ADAM12: variants seen among roughly 807,000 people sequenced by gnomAD.
ADAM12 encodes ADAM metallopeptidase domain 12, also known as disintegrin and metalloproteinase domain-containing protein 12.
ADAM12 carries 70 observed loss-of-function variants against 106.4 expected under a neutral mutation model. That is an observed-to-expected ratio of 0.66 (90% CI 0.54 to 0.80). The LOEUF is 0.80. Ranked by LOEUF, ADAM12 falls within the 30% of genes least tolerant of loss-of-function variation. The pLI is 0.00. For synonymous variants in ADAM12, 420 were observed against 433.5 expected, an observed-to-expected ratio of 0.97 and a Z score of 0.39; for missense variants, 1,010 against 1,171.9, an observed-to-expected ratio of 0.86 and a Z score of 2.02.
intron 3 of ADAM12, among the ~76,000 whole-genome samples, chr10:126,251,770 T>C (rs1207986105): frequency 6.8e-6 from 1 of 146,524 alleles, no homozygotes; most frequent in Non-Finnish European, 1.5e-5. Flanking sequence ...GATGGGATGA[T>C]GGGATGAATG....
intron 3 of ADAM12, among the ~76,000 whole-genome samples, chr10:126,250,560 G>A (rs1363715914): frequency 6.6e-6 from 1 of 152,164 alleles, no homozygotes; most frequent in Non-Finnish European, 1.5e-5. Flanking sequence ...ACATTTTTCT[G>A]ATTATTTTTT....
chr10:126,295,096 A>T (rs1257195037), intron 2 of ADAM12, among the ~76,000 whole-genome samples: 3 of 152,174 alleles, frequency 2.0e-5, no homozygotes, highest in African/African-American at 7.2e-5. Context: ...GGAAGTGGTC[A>T]GTTAAACCCA....
Position 126,286,093 on chromosome 10 carries a change from C to T in ADAM12, c.187-7105G>A, listed in dbSNP as rs1590733476. On this transcript the variant is annotated intron_variant, in intron 2 of 22. Transcript: ENST00000448723. Reference sequence around the variant, plus strand: ...TTTCACCCATAATGAACACAAAATACCTCGAGTCCATAAATGTAGCTTTGC... The same window carrying T: ...TTTCACCCATAATGAACACAAAATATCTCGAGTCCATAAATGTAGCTTTGC... Among the ~76,000 whole-genome samples, 6 of 151,870 alleles carry T rather than the reference C, an allele frequency of 4.0e-5. 1 individual carries two copies. Among genetic ancestry groups the T allele is most frequent in the African/African-American group, 2.4e-5 (1 of 41,380 alleles).
At chr10:126,223,256 A>G (rs1219046033) in intron 3 of ADAM12, among the ~76,000 whole-genome samples, 1 of 152,220 alleles carries the variant, frequency 6.6e-6, no homozygotes, top group Non-Finnish European at 1.5e-5. Context: ...CTAAAGTATA[A>G]TGCTCTGACA....
intron 5 of ADAM12, among the ~76,000 whole-genome samples, chr10:126,134,285 G>C (rs1956364618): frequency 1.3e-5 from 2 of 152,180 alleles, no homozygotes; most frequent in South Asian, 4.1e-4. Context: ...CAATGATTTG[G>C]GTCTGTGTCT....
At chr10:126,382,392 T>C (rs931020256) in intron 1 of ADAM12, among the ~76,000 whole-genome samples, 5 of 152,190 alleles carry the variant, frequency 3.3e-5, no homozygotes, top group Non-Finnish European at 7.3e-5. Flanking sequence ...GTTAGCAAAG[T>C]GCTAAACGGA....
At chr10:126,237,635 T>C (rs752453198) in intron 3 of ADAM12, among the ~76,000 whole-genome samples, 43 of 152,228 alleles carry the variant, frequency 2.8e-4, no homozygotes, top group Admixed American at 1.2e-3. Flanking sequence ...GTGATCCTTA[T>C]TATTTTGGCT....
intron 3 of ADAM12, among the ~76,000 whole-genome samples, chr10:126,199,763 T>A (rs1957663997): frequency 6.6e-6 from 1 of 152,214 alleles, no homozygotes; most frequent in Non-Finnish European, 1.5e-5. Flanking sequence ...AATGAAAGAA[T>A]AAGGATGCAT....
At chr10:126,384,173 G>C (rs1856579695) in intron 1 of ADAM12, among the ~76,000 whole-genome samples, 1 of 152,030 alleles carries the variant, frequency 6.6e-6, no homozygotes, top group Admixed American at 6.6e-5. Flanking sequence ...AAAGTGCTTG[G>C]GTCCCCGATC....
At chr10:126,310,406 C>T (rs1253880346) in intron 2 of ADAM12, among the ~76,000 whole-genome samples, 1 of 152,018 alleles carries the variant, frequency 6.6e-6, no homozygotes, top group East Asian at 1.9e-4. Context: ...AAGAAATCAC[C>T]AATGACAAAT....
Position 126,324,436 on chromosome 10 carries a change from G to T in ADAM12, c.186+5976C>A, listed in dbSNP as rs566922611. On this transcript the variant is annotated intron_variant, in intron 2 of 22. Transcript: ENST00000448723. ...GGGTGGGGGCTCTAGAGTCCAGATG[G>T]CCCAGGCTACCCAGTCCCATGGGCA... 1.1e-4 allele frequency among the ~76,000 whole-genome samples: 17 copies of T among 152,276 alleles called. 1 individual carries two copies. Among genetic ancestry groups the T allele is most frequent in the African/African-American group, 3.9e-4 (16 of 41,552 alleles).
intron 10 of ADAM12, among the ~76,000 whole-genome samples, chr10:126,097,807 C>T (rs1229551910): frequency 1.3e-5 from 2 of 152,182 alleles, no homozygotes; most frequent in Non-Finnish European, 2.9e-5. Flanking sequence ...ATAACGAGAC[C>T]CAAATAGTTT....
At chr10:126,104,365 G>A (rs1329334556) in intron 8 of ADAM12, among the ~76,000 whole-genome samples, 9 of 151,140 alleles carry the variant, frequency 6.0e-5, no homozygotes, top group South Asian at 4.2e-4. Flanking sequence ...CAGGAGAATC[G>A]CTTGAACCTG....
chr10:126,266,175 C>T (rs1222619638), intron 3 of ADAM12, among the ~76,000 whole-genome samples: 1 of 152,148 alleles, frequency 6.6e-6, no homozygotes, highest in African/African-American at 2.4e-5. Flanking sequence ...CTCCACAGGC[C>T]TACAGAATTG....
intron 3 of ADAM12, among the ~76,000 whole-genome samples, chr10:126,210,581 T>C (rs1038387479): frequency 6.6e-6 from 1 of 152,110 alleles, no homozygotes; most frequent in African/African-American, 2.4e-5. Flanking sequence ...TCCTCCTGAC[T>C]GTTGAATAAA....
intron 3 of ADAM12, among the ~76,000 whole-genome samples, chr10:126,251,896 GGGATGGATA>G (rs1958779189): frequency 2.9e-5 from 3 of 102,094 alleles, no homozygotes; most frequent in Admixed American, 1.0e-4. Flanking sequence ...ATGGATGGAT[GGGATGGATA>G]GGATGGATGG....
At chr10:126,021,965 G>T (rs904653600) in intron 21 of ADAM12, among the ~76,000 whole-genome samples, 1 of 152,176 alleles carries the variant, frequency 6.6e-6, no homozygotes, top group Non-Finnish European at 1.5e-5. Context: ...AGACATTAGT[G>T]TGTCATGTAA....
intron 1 of ADAM12, among the ~76,000 whole-genome samples, chr10:126,356,115 G>A (rs966879516): frequency 8.5e-5 from 13 of 152,284 alleles, no homozygotes; most frequent in Admixed American, 5.2e-4. Flanking sequence ...AGGCAAAGAC[G>A]CAAACCTCAA....
intron 3 of ADAM12, among the ~76,000 whole-genome samples, chr10:126,182,906 C>T (rs1012142981): frequency 1.6e-4 from 25 of 152,248 alleles, no homozygotes; most frequent in African/African-American, 5.5e-4. Flanking sequence ...GGCCACAGAC[C>T]GATACCTGTC....
Sources: allele counts gnomAD v4.1 joint callset (sites outside exome capture counted in the v4.1 genomes callset), GRCh38; gene constraint gnomAD v4.1.1; transcripts MANE v1.5; gene names NCBI Gene and HGNC (gene_info 2026-07-23, HGNC 2026-07-21).